Variants in GRM8 observed in about 807,000 individuals in gnomAD.
The protein encoded by GRM8 is metabotropic glutamate receptor 8.
Under a neutral mutation model 87.2 loss-of-function variants are expected in GRM8, and 47 were observed. The observed-to-expected ratio is 0.54, with a 90% confidence interval of 0.43 to 0.69. GRM8 has a LOEUF of 0.69. Ranked by LOEUF, GRM8 falls within the 30% of genes least tolerant of loss-of-function variation. GRM8 has a pLI of 0.00. For synonymous variants in GRM8, 396 were observed against 404.5 expected, an observed-to-expected ratio of 0.98 and a Z score of 0.25; for missense variants, 1,019 against 1,139.2, an observed-to-expected ratio of 0.89 and a Z score of 1.52.
At chr7:126,541,469 G>A (rs1816530081) in intron 8 of GRM8, among the ~76,000 whole-genome samples, 1 of 152,178 alleles carries the variant, frequency 6.6e-6, no homozygotes, top group Admixed American at 6.5e-5. Flanking sequence ...GCCATTGAGA[G>A]GAGTTTGGAT....
At chr7:126,693,419 A>G (rs1382325133) in intron 7 of GRM8, among the ~76,000 whole-genome samples, 2 of 152,222 alleles carry the variant, frequency 1.3e-5, no homozygotes, top group African/African-American at 4.8e-5. Context: ...ATGAATTAGC[A>G]TTCTTCTTTC....
intron 3 of GRM8, among the ~76,000 whole-genome samples, chr7:127,092,059 CCCCACTGGTCATCACCCCAT>C (rs1340559782): frequency 7.9e-6 from 1 of 126,374 alleles, no homozygotes; most frequent in African/African-American, 3.0e-5. Flanking sequence ...CATCACCTCG[CCCCACTGGTCATCACCCCAT>C]CCCACTGGTC....
Position 126,574,634 on chromosome 7 carries a change from C to T in GRM8, c.1494+34728G>A, listed in dbSNP as rs554628488. ...GTTTTCCAACTCTCTCTTCACTTTGCTTTTTTTCTACAGAGTTAAGTCTTT... is the reference window on the plus strand; with the variant it reads ...GTTTTCCAACTCTCTCTTCACTTTGTTTTTTTTCTACAGAGTTAAGTCTTT... On this transcript the variant is annotated intron_variant, in intron 8 of 10. Coordinates refer to ENST00000339582, the MANE Select transcript of GRM8 (RefSeq NM_000845.3). Among the ~76,000 whole-genome samples, 5 of 152,236 alleles carry T rather than the reference C, an allele frequency of 3.3e-5. No homozygotes were observed. In the South Asian group the frequency reaches 1.0e-3, roughly 32 times the overall value.
intron 7 of GRM8, among the ~76,000 whole-genome samples, chr7:126,647,944 T>A (rs981741549): frequency 5.3e-5 from 8 of 152,200 alleles, no homozygotes; most frequent in African/African-American, 1.9e-4. Flanking sequence ...TGTGCCATTG[T>A]ACATTGGAAG....
At chr7:126,534,227 G>T (rs1327786521) in intron 8 of GRM8, among the ~76,000 whole-genome samples, 1 of 152,116 alleles carries the variant, frequency 6.6e-6, no homozygotes, top group Non-Finnish European at 1.5e-5. Flanking sequence ...CCCGTAGAAA[G>T]ATGCTTTAGA....
chr7:126,583,887 T>A (rs1795848504), intron 8 of GRM8, among the ~76,000 whole-genome samples: 1 of 152,212 alleles, frequency 6.6e-6, no homozygotes, highest in African/African-American at 2.4e-5. Context: ...TGAGATTCAT[T>A]CCAATTTCAA....
intron 3 of GRM8, among the ~76,000 whole-genome samples, chr7:126,961,558 G>A (rs1809323981): frequency 6.6e-6 from 1 of 152,158 alleles, no homozygotes; most frequent in Admixed American, 6.5e-5. Flanking sequence ...ATCCTACTAT[G>A]TGCCACACTC....
chr7:126,457,592 T>A (rs1391391724), intron 9 of GRM8, among the ~76,000 whole-genome samples: 1 of 151,350 alleles, frequency 6.6e-6, no homozygotes, highest in Non-Finnish European at 1.5e-5. Context: ...ACAATACATT[T>A]CTAAATCACT....
intron 2 of GRM8, among the ~76,000 whole-genome samples, chr7:127,187,722 T>C (rs574111343): frequency 2.0e-5 from 3 of 152,310 alleles, no homozygotes; most frequent in Admixed American, 1.3e-4. Context: ...TTATAGACCT[T>C]GGAGCCCATG....
chr7:126,789,307 T>A (rs1821013022), intron 6 of GRM8, among the ~76,000 whole-genome samples: 1 of 152,132 alleles, frequency 6.6e-6, no homozygotes, highest in African/African-American at 2.4e-5. Context: ...AAGGCATTTT[T>A]TTTTCCTGTA....
chr7:126,936,692 G>A (rs1390708843), intron 3 of GRM8, among the ~76,000 whole-genome samples: 2 of 152,086 alleles, frequency 1.3e-5, no homozygotes, highest in Non-Finnish European at 2.9e-5. Context: ...GCCCCTTCCT[G>A]CAGACTGGAA....
At chr7:126,926,590 T>G (rs957666983) in intron 3 of GRM8, among the ~76,000 whole-genome samples, 5 of 152,228 alleles carry the variant, frequency 3.3e-5, no homozygotes, top group African/African-American at 1.2e-4. Flanking sequence ...GCTACTTCTC[T>G]GTTTAAATAC....
chr7:126,663,760 C>T (rs1585424334), intron 7 of GRM8, among the ~76,000 whole-genome samples: 1 of 152,126 alleles, frequency 6.6e-6, no homozygotes, highest in South Asian at 2.1e-4. Context: ...CCCACCACTC[C>T]TATTCAACAT....
At chr7:126,955,057 A>G (rs1031403819) in intron 3 of GRM8, among the ~76,000 whole-genome samples, 1 of 152,180 alleles carries the variant, frequency 6.6e-6, no homozygotes, top group Non-Finnish European at 1.5e-5. Context: ...TTCATTTTTC[A>G]TTTCAATTCA....
chr7:127,094,787 A>T (rs1350958180), intron 3 of GRM8, among the ~76,000 whole-genome samples: 1 of 152,216 alleles, frequency 6.6e-6, no homozygotes, highest in Non-Finnish European at 1.5e-5. Flanking sequence ...AATAACTGAA[A>T]ACAGGGACCA....
intron 9 of GRM8, among the ~76,000 whole-genome samples, chr7:126,472,501 T>G (rs1805394350): frequency 6.6e-6 from 1 of 152,154 alleles, no homozygotes; most frequent in Non-Finnish European, 1.5e-5. Flanking sequence ...TCAGTTTCAT[T>G]CATTCACAAA....
intron 9 of GRM8, among the ~76,000 whole-genome samples, chr7:126,463,129 C>CTT (rs1804075589): frequency 6.6e-6 from 1 of 151,396 alleles, no homozygotes; most frequent in African/African-American, 2.4e-5. Flanking sequence ...CCTAGAAACT[C>CTT]TTACCTCCTG....
intron 8 of GRM8, among the ~76,000 whole-genome samples, chr7:126,568,276 A>G (rs1794411701): frequency 6.6e-6 from 1 of 152,166 alleles, no homozygotes; most frequent in Non-Finnish European, 1.5e-5. Flanking sequence ...AACATTCAAG[A>G]TATCAAACAT....
chr7:126,869,448 A>G (rs747791193), intron 6 of GRM8: 4 of 152,214 alleles, frequency 2.6e-5, no homozygotes, highest in Non-Finnish European at 1.5e-5. Flanking sequence ...TCCCAGATCC[A>G]TCAGAGAAGT....
Sources: allele counts gnomAD v4.1 joint callset (sites outside exome capture counted in the v4.1 genomes callset), GRCh38; gene constraint gnomAD v4.1.1; transcripts MANE v1.5; gene names NCBI Gene and HGNC (gene_info 2026-07-23, HGNC 2026-07-21).